ABI3BP: variants seen among roughly 807,000 people sequenced by gnomAD.
ABI3BP encodes target of Nesh-SH3.
Under a neutral mutation model 268.6 loss-of-function variants are expected in ABI3BP, and 216 were observed. The observed-to-expected ratio is 0.80, with a 90% CI of 0.72 to 0.90. ABI3BP has a LOEUF of 0.90. Among genes scored for constraint, ABI3BP ranks in the 40% least tolerant of loss-of-function variants. The pLI, the probability that ABI3BP is intolerant of heterozygous loss-of-function variation, is 0.00. For synonymous variants in ABI3BP, 730 were observed against 730.0 expected, an observed-to-expected ratio of 1.00 and a Z score of 0.00; for missense variants, 2,090 against 2,182.4, an observed-to-expected ratio of 0.96 and a Z score of 0.84.
chr3:100,781,431 T>G (rs942293788), intron 57 of ABI3BP, among the ~76,000 whole-genome samples: 5 of 152,150 alleles, frequency 3.3e-5, no homozygotes, highest in Non-Finnish European at 5.9e-5. Context: ...GAATTAAACT[T>G]ATTTGTGATA....
At chr3:100,927,704 A>T (rs908228752) in intron 1 of ABI3BP, among the ~76,000 whole-genome samples, 5 of 152,092 alleles carry the variant, frequency 3.3e-5, no homozygotes, top group African/African-American at 7.2e-5. Context: ...AGGTTGCTAA[A>T]CCATTAGAAA....
chr3:100,862,455 G>T, intron 13 of ABI3BP, 70 bp from the exon 14 acceptor site: 1 of 1,079,416 alleles, frequency 9.3e-7, no homozygotes. Context: ...GACAGAAATA[G>T]GTTGCTGGTA....
At chr3:100,940,674 T>G (rs1275219116) in intron 1 of ABI3BP, among the ~76,000 whole-genome samples, 2 of 149,164 alleles carry the variant, frequency 1.3e-5, no homozygotes, top group African/African-American at 4.9e-5. Flanking sequence ...AATTCTGCTA[T>G]TACTGGTAAC....
chr3:100,850,465 CA>C (rs1429641155), intron 16 of ABI3BP, among the ~76,000 whole-genome samples, 194 bp downstream of exon 16: 1 of 151,322 alleles, frequency 6.6e-6, no homozygotes, highest in Non-Finnish European at 1.5e-5. Context: ...TATTACAGCT[CA>C]AAAAAATAAA....
Position 100,750,203 on chromosome 3 carries a change from AAC to A in ABI3BP, c.*290_*291del, listed in dbSNP as rs1306332688. 1 of 248,690 alleles carries A rather than the reference AAC, an allele frequency of 4.0e-6. No individual in the cohort carries two copies. The highest frequency in any genetic ancestry group is 7.2e-6 in the Non-Finnish European group (1 of 138,420). 15.4% of individuals were successfully genotyped at this position (248,690 alleles called of 1,614,324 possible). On this transcript the variant is annotated 3_prime_UTR_variant, in exon 68 of 68. Transcript: ENST00000471714. ...TAAAAGTATCTCAAAACATCATTAC[AAC>A]AGTGTGATAAATAATATACAAATGA...
chr3:100,932,168 C>T (rs764632545), intron 1 of ABI3BP, among the ~76,000 whole-genome samples: 3 of 152,006 alleles, frequency 2.0e-5, no homozygotes. Flanking sequence ...AAGATTGAAG[C>T]TGGATCCCTT....
chr3:100,949,433 CGTT>C (rs907542199), intron 1 of ABI3BP, among the ~76,000 whole-genome samples: 2 of 151,910 alleles, frequency 1.3e-5, no homozygotes, highest in African/African-American at 2.4e-5. Context: ...TTGTTGTTGT[CGTT>C]GTTATTTTTA....
intron 20 of ABI3BP, among the ~76,000 whole-genome samples, chr3:100,845,642 A>AGAT (rs752428603): frequency 0.048 from 7,334 of 152,270 alleles, 215 homozygotes; most frequent in Non-Finnish European, 0.052. Context: ...CTAAGGGTTT[A>AGAT]AAATTTAGAT....
At chr3:100,864,762 T>C (rs772661909) in intron 11 of ABI3BP, 71 bp downstream of exon 11, 24 of 1,203,564 alleles carry the variant, frequency 2.0e-5, no homozygotes, top group Non-Finnish European at 2.6e-5. Flanking sequence ...AGGTTTCTTT[T>C]CTGTGAGTCC....
intron 1 of ABI3BP, among the ~76,000 whole-genome samples, chr3:100,989,068 G>A (rs986869125): frequency 2.0e-5 from 3 of 152,140 alleles, no homozygotes; most frequent in African/African-American, 7.2e-5. Context: ...AGGCCATGAG[G>A]ACTCCTTCCC....
intron 9 of ABI3BP, among the ~76,000 whole-genome samples, chr3:100,867,655 A>AAAAG (rs2099066919): frequency 1.3e-5 from 2 of 151,252 alleles, no homozygotes; most frequent in African/African-American, 4.8e-5. Context: ...AAAAAAAAAA[A>AAAAG]AAAAAAGAAA....
intron 51 of ABI3BP, 59 bp from the exon 52 acceptor site, chr3:100,796,527 TA>T: frequency 7.8e-7 from 1 of 1,281,196 alleles, no homozygotes; most frequent in Non-Finnish European, 1.1e-6. Flanking sequence ...GGAGTGAGCT[TA>T]ACCCACAGAT....
chr3:100,758,988 TC>T (rs1195690250), intron 63 of ABI3BP, among the ~76,000 whole-genome samples: 2 of 152,226 alleles, frequency 1.3e-5, no homozygotes, highest in Non-Finnish European at 2.9e-5. Flanking sequence ...TTTGATCCTT[TC>T]TATAATCTTT....
chr3:100,965,107 C>T (rs2080783907), intron 1 of ABI3BP, among the ~76,000 whole-genome samples: 1 of 152,162 alleles, frequency 6.6e-6, no homozygotes, highest in Non-Finnish European at 1.5e-5. Flanking sequence ...GTTTGCTGCT[C>T]CCTTTCCATA....
intron 40 of ABI3BP, among the ~76,000 whole-genome samples, 156 bp from the exon 41 acceptor site, chr3:100,818,737 AT>A (rs901250873): frequency 2.0e-5 from 3 of 152,232 alleles, no homozygotes; most frequent in African/African-American, 7.2e-5. Context: ...CAGATAAACA[AT>A]TTTTTTAAAA....
chr3:100,993,414 A>C lies in ABI3BP; in HGVS notation c.-30T>G. 6.5e-7 allele frequency: 1 copy of C among 1,544,322 alleles called. No homozygotes were observed. Among genetic ancestry groups the C allele is most frequent in the Non-Finnish European group, 8.8e-7 (1 of 1,140,430 alleles). On this transcript the variant is annotated 5_prime_UTR_variant, in exon 1 of 68. Transcript: ENST00000471714. ...CATTTGCCACCTCGCATGGGGAATG[A>C]TGCTGGTGGGTGCCTCGCAACCCTG...
At chr3:100,847,793 T>G in intron 18 of ABI3BP, 120 bp from the exon 19 acceptor site, 1 of 789,892 alleles carries the variant, frequency 1.3e-6, no homozygotes, top group Non-Finnish European at 2.1e-6. Context: ...AAGTATACAA[T>G]GAGTAAAAGT....
rs754354175 is a variant in ABI3BP, at chr3:100,874,949, T to C, written c.818-16A>G. On this transcript the variant is annotated splice_polypyrimidine_tract_variant and intron_variant, in intron 8 of 67. Transcript: ENST00000471714. ...ATAAGGTGGACTGCAAGGAAATAGA[T>C]GTAAATAAGATAAGGGGAAGAAAGT... 4 of 1,470,894 alleles carry C rather than the reference T, an allele frequency of 2.7e-6. No individual in the cohort carries two copies. In the African/African-American group the frequency reaches 4.2e-5, roughly 15 times the overall value. 91.1% of individuals were successfully genotyped at this position (1,470,894 alleles called of 1,614,324 possible). A position where few individuals can be genotyped will look rare whatever the true frequency, so the allele number is the denominator to read the frequency against.
chr3:100,772,485 G>C (rs1165347411), intron 61 of ABI3BP, among the ~76,000 whole-genome samples: 1 of 152,180 alleles, frequency 6.6e-6, no homozygotes, highest in East Asian at 1.9e-4. Context: ...GTAAAGCTAT[G>C]CTAGTGTGAG....
Sources: gnomAD v4.1 joint callset for allele counts (sites outside exome capture counted in the v4.1 genomes callset) on GRCh38, gnomAD v4.1.1 for gene constraint, MANE v1.5 for transcripts, NCBI Gene and HGNC (gene_info 2026-07-23, HGNC 2026-07-21) for gene names.